The following DCDC1 variants were observed in gnomAD, a reference collection of about 807,000 sequenced individuals.
DCDC1 encodes doublecortin domain containing 1, also known as doublecortin domain-containing protein 1.
A neutral mutation model predicts 178.3 loss-of-function variants in DCDC1; 200 were observed. That is an observed-to-expected ratio of 1.12 (90% CI 1.00 to 1.26). DCDC1 has a LOEUF of 1.26. DCDC1 is among the 50% of genes most tolerant of loss of function. The pLI is 0.00. For missense variants in DCDC1, 1,983 were observed against 1,749.2 expected (o/e 1.13, Z -2.38); for synonymous variants, 690 against 604.8 (o/e 1.14, Z -2.07).
intron 38 of DCDC1, among the ~76,000 whole-genome samples, chr11:30,876,802 CA>C (rs902791009): frequency 6.6e-6 from 1 of 151,724 alleles, no homozygotes; most frequent in Non-Finnish European, 1.5e-5. Context: ...GGAATGAAAA[CA>C]AAAAATTGTC....
intron 4 of DCDC1, among the ~76,000 whole-genome samples, chr11:31,306,636 G>T (rs1185921425): frequency 6.6e-6 from 1 of 151,474 alleles, no homozygotes; most frequent in East Asian, 1.9e-4. Context: ...ATATATATCA[G>T]AATAAATGAT....
At chr11:31,055,577 AAT>A (rs1395111870) in intron 20 of DCDC1, among the ~76,000 whole-genome samples, 1 of 152,254 alleles carries the variant, frequency 6.6e-6, no homozygotes, top group Non-Finnish European at 1.5e-5. Flanking sequence ...CACAATTTGC[AAT>A]TGCAGAATTG....
At chr11:31,250,908 C>A (rs1355236856) in intron 8 of DCDC1, among the ~76,000 whole-genome samples, 3 of 152,026 alleles carry the variant, frequency 2.0e-5, no homozygotes, top group African/African-American at 7.2e-5. Flanking sequence ...GTGCGTGTCA[C>A]CATGCCCTGC....
At position 30,899,574 on chromosome 11, in the gene DCDC1, C is replaced by T; in HGVS notation, c.4732G>A (p.Asp1578Asn). The T allele has an allele frequency of 6.3e-7, 1 of 1,587,218 alleles. No homozygotes were observed. Among genetic ancestry groups the T allele is most frequent in the Non-Finnish European group, 8.6e-7 (1 of 1,166,222 alleles). ...LKKDRILADLDTMRHKMRQLK... is the reference protein window; with the variant it reads ...LKKDRILADLNTMRHKMRQLK... Reference sequence around the variant, plus strand: ...TGTCTCATTTTGTGTCTCATGGTATCTAGATCAGCCAAAATTCTGTCCTTT... The same window carrying T: ...TGTCTCATTTTGTGTCTCATGGTATTTAGATCAGCCAAAATTCTGTCCTTT... The change falls in exon 34 of 39, where the codon GAT (aspartate) becomes AAT (asparagine). Residue 1578 changes from aspartate (D) to asparagine (N), a missense_variant. Asp to Asn is a conservative substitution (Grantham distance 23). Coordinates refer to ENST00000684477, the MANE Select transcript of DCDC1 (RefSeq NM_001387274.1).
chr11:30,902,491 A>G (rs1463399526), intron 32 of DCDC1, among the ~76,000 whole-genome samples: 1 of 152,176 alleles, frequency 6.6e-6, no homozygotes, highest in Non-Finnish European at 1.5e-5. Flanking sequence ...TATAATGGAG[A>G]CATGTTAAAT....
intron 1 of DCDC1, among the ~76,000 whole-genome samples, chr11:31,350,103 T>C (rs529805095): frequency 4.5e-4 from 68 of 152,222 alleles, no homozygotes; most frequent in African/African-American, 1.5e-3. Context: ...GTTGTGTATC[T>C]CCAAAATGAA....
At chr11:30,909,933 CTT>C (rs1945329271) in intron 28 of DCDC1, among the ~76,000 whole-genome samples, 1 of 151,692 alleles carries the variant, frequency 6.6e-6, no homozygotes, top group Non-Finnish European at 1.5e-5. Flanking sequence ...CCTCAAGGAA[CTT>C]TTATAATTAA....
At chr11:31,114,387 T>C (rs1959536428) in intron 11 of DCDC1, among the ~76,000 whole-genome samples, 1 of 152,104 alleles carries the variant, frequency 6.6e-6, no homozygotes, top group African/African-American at 2.4e-5. Flanking sequence ...TCATGGTAAA[T>C]GCACCCTGTG....
At chr11:31,347,335 T>C (rs1950865797) in intron 1 of DCDC1, among the ~76,000 whole-genome samples, 1 of 152,196 alleles carries the variant, frequency 6.6e-6, no homozygotes, top group South Asian at 2.1e-4. Flanking sequence ...TAGCTTGGTC[T>C]AGGTCCCTAA....
chr11:31,360,741 AT>A (rs1214613084), intron 1 of DCDC1, among the ~76,000 whole-genome samples: 4 of 152,182 alleles, frequency 2.6e-5, no homozygotes, highest in Non-Finnish European at 4.4e-5. Flanking sequence ...GCAAAGGATA[AT>A]TGGTGGAGCT....
chr11:31,094,481 T>C lies in DCDC1; in HGVS notation c.1984-297A>G, dbSNP rs1437177655. ...TCTCTCTCTCCCCACCTGCCTTTCATGTTAAGCTCCACATGAATGATTAAA... is the reference window on the plus strand; with the variant it reads ...TCTCTCTCTCCCCACCTGCCTTTCACGTTAAGCTCCACATGAATGATTAAA... On this transcript the variant is annotated intron_variant, in intron 15 of 38. Transcript: ENST00000684477. 2.6e-5 allele frequency among the ~76,000 whole-genome samples: 4 copies of C among 152,226 alleles called. No homozygotes were observed. The South Asian group carries it at 6.2e-4, about 24-fold the overall frequency.
At position 30,976,682 on chromosome 11, in the gene DCDC1, A is replaced by G. The variant is rs1280313446; in HGVS notation, c.2592-24114T>C. On this transcript the variant is annotated intron_variant, in intron 20 of 38. Coordinates refer to ENST00000684477, the MANE Select transcript of DCDC1 (RefSeq NM_001387274.1). ...GCTATTATTAAAAAGACAAAAAATA[A>G]CAGATGCTGGCAAGGATGTAGAGAA... Among the ~76,000 whole-genome samples, 3 of 152,160 alleles carry G rather than the reference A, an allele frequency of 2.0e-5. No individual in the cohort carries two copies. In the East Asian group the frequency reaches 5.8e-4, roughly 29 times the overall value.
chr11:30,942,801 T>C (rs1039474151), intron 21 of DCDC1, among the ~76,000 whole-genome samples: 4 of 152,220 alleles, frequency 2.6e-5, no homozygotes, highest in Admixed American at 6.5e-5. Context: ...AAGAGTCTTC[T>C]CTTTTTAATG....
chr11:31,281,048 C>T, intron 7 of DCDC1: 1 of 487,500 alleles, frequency 2.1e-6, no homozygotes. Flanking sequence ...GTCCCATTCT[C>T]CTTAAATTTC....
In DCDC1 at chr11:30,881,385, G is replaced by C; in HGVS notation, c.5083-77C>G. The C allele has an allele frequency of 1.3e-6, 2 of 1,521,804 alleles. 1 individual carries two copies. The allele number at this position is 1,521,804 out of a possible 1,614,324, so 94.3% of individuals were successfully genotyped here. ...CATGTATCAAAGAACCAACTCTTCT[G>C]AGAAAACTATTATCCCAGTTTGATT... is the stretch of plus-strand genomic sequence containing the variant. On this transcript the variant is annotated intron_variant, in intron 36 of 38. Coordinates refer to ENST00000684477, the MANE Select transcript of DCDC1 (RefSeq NM_001387274.1).
intron 27 of DCDC1, among the ~76,000 whole-genome samples, chr11:30,914,263 C>T (rs1945663299): frequency 1.3e-5 from 2 of 152,382 alleles, no homozygotes; most frequent in East Asian, 3.9e-4. Context: ...TTTCTAACAT[C>T]AGCCCAGCGA....
At chr11:31,126,226 C>A (rs1961597541) in intron 11 of DCDC1, among the ~76,000 whole-genome samples, 1 of 152,174 alleles carries the variant, frequency 6.6e-6, no homozygotes, top group African/African-American at 2.4e-5. Context: ...AACAACCACT[C>A]TCCCTCACCT....
intron 20 of DCDC1, among the ~76,000 whole-genome samples, chr11:30,965,712 T>C (rs1375628775): frequency 6.9e-6 from 1 of 144,382 alleles, no homozygotes; most frequent in African/African-American, 2.6e-5. Flanking sequence ...TAACGTGTCA[T>C]CTAGCATTAG....
intron 8 of DCDC1, chr11:31,262,925 G>T: frequency 9.7e-6 from 9 of 924,426 alleles, no homozygotes; most frequent in Non-Finnish European, 1.4e-5. Context: ...ATTTCAGCTG[G>T]CATAAGCTTT....
Sources: allele counts gnomAD v4.1 joint callset (sites outside exome capture counted in the v4.1 genomes callset), GRCh38; gene constraint gnomAD v4.1.1; transcripts MANE v1.5; gene names NCBI Gene and HGNC (gene_info 2026-07-23, HGNC 2026-07-21).